The following NRG1 variants were observed in gnomAD, a reference collection of about 807,000 sequenced individuals.
NRG1 encodes the protein pro-neuregulin-1, membrane-bound isoform.
NRG1 carries 18 observed loss-of-function variants against 63.8 expected under a neutral mutation model. The observed-to-expected ratio is 0.28, with a 90% CI of 0.19 to 0.42. The LOEUF (loss-of-function observed/expected upper bound fraction) is 0.42, where lower values mean the gene tolerates loss of function less well. NRG1 is among the 10% of genes least tolerant of loss of function. The pLI is 1.00. For synonymous variants in NRG1, 302 were observed against 301.3 expected (o/e 1.00, Z -0.02); for missense variants, 762 against 814.7 (o/e 0.94, Z 0.79).
chr8:31,672,210 A>G (rs919058018), intron 1 of NRG1, among the ~76,000 whole-genome samples: 1 of 152,108 alleles, frequency 6.6e-6, no homozygotes, highest in African/African-American at 2.4e-5. Context: ...AGCAAGCCTA[A>G]TGTATATGAT....
At chr8:32,542,763 A>G (rs1298805411) in intron 1 of NRG1, among the ~76,000 whole-genome samples, 1 of 152,226 alleles carries the variant, frequency 6.6e-6, no homozygotes, top group Non-Finnish European at 1.5e-5. Flanking sequence ...TGACTGGATT[A>G]AATTTGCATT....
intron 1 of NRG1, among the ~76,000 whole-genome samples, chr8:32,332,850 T>G (rs1483528120): frequency 6.6e-6 from 1 of 152,204 alleles, no homozygotes; most frequent in Admixed American, 6.5e-5. Flanking sequence ...CACTCCCAAC[T>G]TCTTATGGTA....
chr8:32,758,285 A>G (rs576919577), intron 9 of NRG1, among the ~76,000 whole-genome samples: 75 of 152,252 alleles, frequency 4.9e-4, no homozygotes, highest in African/African-American at 1.8e-3. Flanking sequence ...ATAAAAATAA[A>G]GTAGACTCTG....
chr8:31,830,768 G>GA (rs939398330), intron 1 of NRG1, among the ~76,000 whole-genome samples: 57 of 148,396 alleles, frequency 3.8e-4, no homozygotes, highest in African/African-American at 1.1e-3. Context: ...GTCTGTGGGG[G>GA]AAAAAAAAAA....
intron 5 of NRG1, among the ~76,000 whole-genome samples, chr8:32,715,800 C>T (rs1270047884): frequency 6.6e-6 from 1 of 152,112 alleles, no homozygotes; most frequent in Non-Finnish European, 1.5e-5. Context: ...TGTGCCACCA[C>T]ACCCATCTAA....
intron 1 of NRG1, among the ~76,000 whole-genome samples, chr8:32,556,241 C>T (rs1312886345): frequency 6.6e-6 from 1 of 152,088 alleles, no homozygotes; most frequent in Non-Finnish European, 1.5e-5. Flanking sequence ...GAATTATGTA[C>T]GTTTTTGATA....
intron 1 of NRG1, among the ~76,000 whole-genome samples, chr8:31,921,992 T>C (rs923001203): frequency 1.3e-5 from 2 of 152,186 alleles, no homozygotes; most frequent in African/African-American, 2.4e-5. Flanking sequence ...ACACACATTG[T>C]GATCATTTAC....
intron 2 of NRG1, 80 bp downstream of exon 2, chr8:32,596,085 G>A: frequency 9.1e-7 from 1 of 1,093,914 alleles, no homozygotes; most frequent in African/African-American, 1.6e-5. Flanking sequence ...CCTAATAAGT[G>A]AATTTACTAT....
chr8:31,648,478 A>G (rs1486114859), intron 1 of NRG1, among the ~76,000 whole-genome samples: 1 of 152,094 alleles, frequency 6.6e-6, no homozygotes, highest in African/African-American at 2.4e-5. Flanking sequence ...TACATTCGTA[A>G]TGTTGTACAA....
chr8:32,044,913 CAAAAAAA>C, intron 1 of NRG1, among the ~76,000 whole-genome samples: 1 of 57,122 alleles, frequency 1.8e-5, no homozygotes, highest in African/African-American at 6.9e-5. Flanking sequence ...TAAAGAAAAG[CAAAAAAA>C]AAAAAAAAAA....
At chr8:31,733,242 A>G (rs1409147020) in intron 1 of NRG1, among the ~76,000 whole-genome samples, 3 of 150,240 alleles carry the variant, frequency 2.0e-5, no homozygotes, top group Non-Finnish European at 3.0e-5. Flanking sequence ...GGTTGATTCC[A>G]TATTCTTTGC....
intron 5 of NRG1, among the ~76,000 whole-genome samples, chr8:32,646,555 C>T (rs1307040157): frequency 6.6e-6 from 1 of 152,134 alleles, no homozygotes; most frequent in Non-Finnish European, 1.5e-5. Flanking sequence ...CACCCCCCAC[C>T]CCATCCCCAT....
chr8:32,150,946 C>T (rs570536177), intron 1 of NRG1, among the ~76,000 whole-genome samples: 1 of 152,220 alleles, frequency 6.6e-6, no homozygotes, highest in East Asian at 1.9e-4. Context: ...ACATTTGCAT[C>T]AACAAAGAAG....
rs1016755204 is a variant in NRG1 at position 32,548,665 on chromosome 8, C to G, written c.-62C>G. On this transcript the variant is annotated 5_prime_UTR_variant, in exon 1 of 12. Transcript: ENST00000356819. ...AAACTTTTCCCAAACCCGATCCGAG[C>G]CCTTGGACCAAACTCGCCTGCGCCG... is the stretch of plus-strand genomic sequence containing the variant. The G allele has an allele frequency of 9.8e-6, 15 of 1,529,996 alleles. No individual in the cohort carries two copies. The African/African-American group carries it at 1.5e-4, about 16-fold the overall frequency. The allele number at this position is 1,529,996 out of a possible 1,614,324, so 94.8% of individuals were successfully genotyped here. A position where few individuals can be genotyped will look rare whatever the true frequency, so the allele number is the denominator to read the frequency against.
intron 1 of NRG1, among the ~76,000 whole-genome samples, chr8:32,585,877 T>G (rs1235471770): frequency 6.6e-6 from 1 of 152,098 alleles, no homozygotes; most frequent in Non-Finnish European, 1.5e-5. Context: ...CTTTAGCACA[T>G]TGTCTGGTAG....
At chr8:31,918,413 A>C (rs376468452) in intron 1 of NRG1, among the ~76,000 whole-genome samples, 1 of 152,158 alleles carries the variant, frequency 6.6e-6, no homozygotes, top group East Asian at 1.9e-4. Context: ...TAGCATGAAG[A>C]GTTGTTGAAT....
At chr8:32,072,081 A>G (rs1451603871) in intron 1 of NRG1, among the ~76,000 whole-genome samples, 1 of 152,146 alleles carries the variant, frequency 6.6e-6, no homozygotes, top group Non-Finnish European at 1.5e-5. Context: ...ACCATAATTC[A>G]TCCTGGCAAT....
At chr8:32,674,392 C>G (rs1337302570) in intron 5 of NRG1, among the ~76,000 whole-genome samples, 1 of 152,152 alleles carries the variant, frequency 6.6e-6, no homozygotes, top group East Asian at 1.9e-4. Context: ...GCAGAGACTT[C>G]CTTTCAATTT....
chr8:32,242,290 G>A (rs546688980), intron 1 of NRG1, among the ~76,000 whole-genome samples: 11 of 152,062 alleles, frequency 7.2e-5, no homozygotes, highest in South Asian at 2.1e-4. Flanking sequence ...CCTGACCAAC[G>A]TGGTGAAACC....
Sources: allele counts gnomAD v4.1 joint callset (sites outside exome capture counted in the v4.1 genomes callset), GRCh38; gene constraint gnomAD v4.1.1; transcripts MANE v1.5; gene names NCBI Gene and HGNC (gene_info 2026-07-23, HGNC 2026-07-21).